Variants in PRKG1 observed in about 807,000 individuals in gnomAD.
The protein encoded by PRKG1 is protein kinase cGMP-dependent 1.
Under a neutral mutation model 88.1 loss-of-function variants are expected in PRKG1, and 35 were observed. The observed-to-expected ratio is 0.40, with a 90% confidence interval of 0.30 to 0.53. PRKG1 has a LOEUF of 0.53. Ranked by LOEUF, PRKG1 falls within the 20% of genes least tolerant of loss-of-function variation. PRKG1 has a pLI of 0.59. For synonymous variants in PRKG1, 303 were observed against 292.5 expected, an observed-to-expected ratio of 1.04 and a Z score of -0.37; for missense variants, 540 against 839.8, an observed-to-expected ratio of 0.64 and a Z score of 4.41.
At chr10:52,166,026 T>G (rs1223692400) in intron 9 of PRKG1, among the ~76,000 whole-genome samples, 1 of 152,190 alleles carries the variant, frequency 6.6e-6, no homozygotes, top group Non-Finnish European at 1.5e-5. Flanking sequence ...TTTGCCTATA[T>G]GGCATGCTTA....
At chr10:51,347,731 G>A (rs556558949) in intron 2 of PRKG1, among the ~76,000 whole-genome samples, 4 of 152,190 alleles carry the variant, frequency 2.6e-5, no homozygotes, top group East Asian at 3.9e-4. Flanking sequence ...TCTCAGTGGT[G>A]TAACAGGCCA....
intron 14 of PRKG1, among the ~76,000 whole-genome samples, chr10:52,287,750 G>T (rs1283033804): frequency 6.6e-6 from 1 of 151,594 alleles, no homozygotes; most frequent in Non-Finnish European, 1.5e-5. Context: ...GAGGGCTGGG[G>T]TATTACATCC....
chr10:52,000,856 C>T (rs1282527167), intron 5 of PRKG1, among the ~76,000 whole-genome samples: 1 of 151,972 alleles, frequency 6.6e-6, no homozygotes, highest in Non-Finnish European at 1.5e-5. Context: ...GTAATAAAAT[C>T]CCTTTACAAC....
chr10:51,246,009 C>G (rs2132132382), intron 2 of PRKG1, among the ~76,000 whole-genome samples: 1 of 152,116 alleles, frequency 6.6e-6, no homozygotes, highest in Middle Eastern at 3.4e-3. Context: ...ACAAATATGG[C>G]TGAGACAGTA....
intron 4 of PRKG1, among the ~76,000 whole-genome samples, chr10:51,834,377 C>T (rs1260704378): frequency 6.6e-6 from 1 of 152,114 alleles, no homozygotes; most frequent in Non-Finnish European, 1.5e-5. Flanking sequence ...CCATGGCTCA[C>T]ACCTGTAATC....
chr10:51,180,914 G>A (rs1026696296), intron 2 of PRKG1, among the ~76,000 whole-genome samples: 1 of 152,148 alleles, frequency 6.6e-6, no homozygotes, highest in Non-Finnish European at 1.5e-5. Flanking sequence ...TACTCAAAAA[G>A]TGGTGAAAAT....
intron 1 of PRKG1, among the ~76,000 whole-genome samples, chr10:51,000,632 A>G (rs1842879644): frequency 6.6e-6 from 1 of 152,202 alleles, no homozygotes; most frequent in Non-Finnish European, 1.5e-5. Context: ...AATTTATTTT[A>G]TAGTTATAGA....
chr10:52,013,559 C>G (rs1307094050), intron 5 of PRKG1, among the ~76,000 whole-genome samples: 1 of 152,122 alleles, frequency 6.6e-6, no homozygotes, highest in East Asian at 1.9e-4. Flanking sequence ...GGGGACAGTC[C>G]TAAACTATAG....
chr10:51,841,423 G>A (rs1421238081), intron 4 of PRKG1, among the ~76,000 whole-genome samples: 1 of 152,186 alleles, frequency 6.6e-6, no homozygotes, highest in African/African-American at 2.4e-5. Flanking sequence ...AGCATGAAGT[G>A]ATACAAGAAC....
chr10:51,103,356 C>T, intron 1 of PRKG1, among the ~76,000 whole-genome samples: 1 of 152,218 alleles, frequency 6.6e-6, no homozygotes, highest in East Asian at 1.9e-4. Context: ...ACTGGGCAAG[C>T]TTCAAGGGGA....
chr10:51,682,520 A>G (rs1445653578), intron 3 of PRKG1, among the ~76,000 whole-genome samples: 3 of 152,112 alleles, frequency 2.0e-5, no homozygotes, highest in African/African-American at 7.2e-5. Context: ...GTGCTAGCTC[A>G]TGTTTCATGT....
At chr10:51,775,688 G>A (rs1429468852) in intron 3 of PRKG1, among the ~76,000 whole-genome samples, 2 of 151,820 alleles carry the variant, frequency 1.3e-5, no homozygotes, top group Non-Finnish European at 2.9e-5. Flanking sequence ...AGGTTCAAGC[G>A]ATTCTCCTGC....
chr10:51,730,333 G>T (rs912215277), intron 3 of PRKG1, among the ~76,000 whole-genome samples: 4 of 152,180 alleles, frequency 2.6e-5, no homozygotes, highest in African/African-American at 9.7e-5. Context: ...AAAGACTCTG[G>T]TCTTCAAAAG....
intron 4 of PRKG1, among the ~76,000 whole-genome samples, chr10:51,841,665 C>CTTATCTCTT: frequency 6.6e-6 from 1 of 151,612 alleles, no homozygotes; most frequent in Non-Finnish European, 1.5e-5. Flanking sequence ...AAAAAAAAGA[C>CTTATCTCTT]CAAAATATGG....
chr10:51,126,280 TATATTTATATATAA>T (rs1845412734), intron 1 of PRKG1, among the ~76,000 whole-genome samples: 1 of 117,136 alleles, frequency 8.5e-6, no homozygotes, highest in South Asian at 2.5e-4. Context: ...TAATTATTTA[TATATTTATATATAA>T]ATATTTATAT....
intron 7 of PRKG1, among the ~76,000 whole-genome samples, chr10:52,073,620 T>A (rs1199468346): frequency 1.3e-5 from 2 of 152,178 alleles, no homozygotes; most frequent in African/African-American, 4.8e-5. Flanking sequence ...TACAACAATC[T>A]CCAAATGAGA....
intron 2 of PRKG1, among the ~76,000 whole-genome samples, chr10:51,181,875 A>C (rs1448803038): frequency 6.6e-6 from 1 of 152,182 alleles, no homozygotes; most frequent in Non-Finnish European, 1.5e-5. Flanking sequence ...GGTATTTTGC[A>C]TGTATGAAAG....
chr10:51,962,675 C>T (rs1843475380), intron 5 of PRKG1, among the ~76,000 whole-genome samples: 1 of 152,050 alleles, frequency 6.6e-6, no homozygotes, highest in African/African-American at 2.4e-5. Context: ...TAATGTCTAC[C>T]TTTCAAGGAC....
intron 4 of PRKG1, among the ~76,000 whole-genome samples, chr10:51,827,963 A>G (rs1389548568): frequency 1.3e-5 from 2 of 152,156 alleles, no homozygotes; most frequent in African/African-American, 2.4e-5. Context: ...AACTTTTAAA[A>G]TGATGGTAAT....
Sources: gnomAD v4.1 joint callset for allele counts (sites outside exome capture counted in the v4.1 genomes callset) on GRCh38, gnomAD v4.1.1 for gene constraint, MANE v1.5 for transcripts, NCBI Gene and HGNC (gene_info 2026-07-23, HGNC 2026-07-21) for gene names.